The following TMEM117 variants were observed in gnomAD, a reference collection of about 807,000 sequenced individuals.
TMEM117 encodes transmembrane protein 117.
Under a neutral mutation model 52.4 loss-of-function variants are expected in TMEM117, and 27 were observed. That is an observed-to-expected ratio of 0.51 (90% CI 0.38 to 0.71). The LOEUF (loss-of-function observed/expected upper bound fraction) is 0.71. TMEM117 is among the 30% of genes least tolerant of loss of function. The pLI, the probability that TMEM117 is intolerant of heterozygous loss-of-function variation, is 0.00. For synonymous variants in TMEM117, 215 were observed against 206.3 expected, an observed-to-expected ratio of 1.04 and a Z score of -0.36; for missense variants, 556 against 630.5, an observed-to-expected ratio of 0.88 and a Z score of 1.26.
chr12:43,933,344 G>A (rs547495670), intron 2 of TMEM117, among the ~76,000 whole-genome samples: 1 of 151,996 alleles, frequency 6.6e-6, no homozygotes, highest in East Asian at 1.9e-4. Context: ...GGGACTACAG[G>A]CGCCAGCCAC....
rs143957411 is a variant in TMEM117 at position 43,988,657 on chromosome 12, A to G, written c.410+44315A>G. ...TGTCAGTAAGAGTTTTGTGGGTACA[A>G]TGTATATTATTTGGGTGATGGATAC... is the stretch of plus-strand genomic sequence containing the variant. On this transcript the variant is annotated intron_variant, in intron 3 of 7. Transcript: ENST00000266534. 3.8e-3 allele frequency among the ~76,000 whole-genome samples: 573 copies of G among 152,156 alleles called. 2 individuals carry two copies. Among genetic ancestry groups the G allele is most frequent in the African/African-American group, 0.013 (545 of 41,546 alleles).
intron 7 of TMEM117, among the ~76,000 whole-genome samples, chr12:44,381,468 T>G (rs1952019528): frequency 1.3e-5 from 2 of 152,130 alleles, no homozygotes; most frequent in African/African-American, 4.8e-5. Context: ...CCAATCCCGG[T>G]GGAAGCTCTG....
chr12:44,345,892 C>A (rs1436212421), intron 6 of TMEM117, among the ~76,000 whole-genome samples: 3 of 152,056 alleles, frequency 2.0e-5, no homozygotes, highest in Non-Finnish European at 2.9e-5. Context: ...ACAGTGTAAT[C>A]TCTTATCCTC....
At chr12:43,809,137 G>A in the TMEM117 span, among the ~76,000 whole-genome samples, 9 of 152,250 alleles carry the variant, frequency 5.9e-5, no homozygotes, top group South Asian at 6.2e-4. Context: ...ACTATGATGC[G>A]TGCCACATTA....
At position 44,169,408 on chromosome 12, in the gene TMEM117, T is replaced by A. The variant is rs533086000; in HGVS notation, c.510+25784T>A. On this transcript the variant is annotated intron_variant, in intron 4 of 7. Coordinates refer to ENST00000266534, the MANE Select transcript of TMEM117 (RefSeq NM_032256.3). The stretch of plus-strand genomic sequence containing the variant: ...TTATTCTGTCAGGTGTGAAGTCGTG[T>A]CTCTTCATGGTTTTGATTTGCATTT... Among the ~76,000 whole-genome samples the A allele has an allele frequency of 5.9e-5, 9 of 152,326 alleles. No individual in the cohort carries two copies. The East Asian group carries it at 1.7e-3, about 29-fold the overall frequency.
chr12:44,371,577 T>G (rs1377781204), intron 6 of TMEM117, among the ~76,000 whole-genome samples: 2 of 152,176 alleles, frequency 1.3e-5, no homozygotes, highest in Non-Finnish European at 2.9e-5. Context: ...ATCATTACAT[T>G]TTTATCCTCT....
At chr12:44,283,031 G>T (rs576834551) in intron 5 of TMEM117, among the ~76,000 whole-genome samples, 2 of 152,278 alleles carry the variant, frequency 1.3e-5, no homozygotes, top group Non-Finnish European at 2.9e-5. Flanking sequence ...CAGCTCCCAC[G>T]TGGTGTGGAG....
chr12:44,086,417 A>T (rs1429664445), intron 3 of TMEM117, among the ~76,000 whole-genome samples: 2 of 151,850 alleles, frequency 1.3e-5, no homozygotes, highest in African/African-American at 4.8e-5. Flanking sequence ...GGGTTTCACC[A>T]TGTTGGCCAG....
At chr12:44,069,019 T>C (rs1185202769) in intron 3 of TMEM117, among the ~76,000 whole-genome samples, 1 of 152,186 alleles carries the variant, frequency 6.6e-6, no homozygotes, top group East Asian at 1.9e-4. Context: ...CTCAAAGAGC[T>C]TAGAGTAAAT....
At chr12:44,202,476 G>C (rs1340828446) in intron 4 of TMEM117, among the ~76,000 whole-genome samples, 2 of 152,090 alleles carry the variant, frequency 1.3e-5, no homozygotes, top group Non-Finnish European at 2.9e-5. Flanking sequence ...AACCAAACTT[G>C]CATCCTAGGA....
chr12:44,108,497 T>C (rs1186541585), intron 3 of TMEM117, among the ~76,000 whole-genome samples: 2 of 91,278 alleles, frequency 2.2e-5, no homozygotes, highest in Non-Finnish European at 2.0e-5. Flanking sequence ...AGAATGATGG[T>C]TTCCAATTTC....
intron 5 of TMEM117, among the ~76,000 whole-genome samples, chr12:44,290,368 T>C (rs536298073): frequency 1.3e-5 from 2 of 152,324 alleles, no homozygotes; most frequent in African/African-American, 4.8e-5. Context: ...TACATTTAAG[T>C]CTTTAATCCA....
At chr12:44,052,211 G>C (rs1431377954) in intron 3 of TMEM117, among the ~76,000 whole-genome samples, 1 of 152,140 alleles carries the variant, frequency 6.6e-6, no homozygotes, top group African/African-American at 2.4e-5. Context: ...TTTAGCTTCA[G>C]TACTATTGGG....
At chr12:44,048,330 G>A (rs1044120456) in intron 3 of TMEM117, among the ~76,000 whole-genome samples, 1 of 151,686 alleles carries the variant, frequency 6.6e-6, no homozygotes, top group Non-Finnish European at 1.5e-5. Flanking sequence ...TCTAAGTTTT[G>A]TTTGTTTTCT....
chr12:44,209,021 G>C (rs1384816333), intron 4 of TMEM117, among the ~76,000 whole-genome samples: 3 of 151,902 alleles, frequency 2.0e-5, no homozygotes, highest in African/African-American at 7.2e-5. Context: ...TCTTTTAAAA[G>C]TCTAATGCAA....
rs535387227 is a variant in TMEM117 at position 44,357,045 on chromosome 12, A to G, written c.769-19550A>G. On this transcript the variant is annotated intron_variant, in intron 6 of 7. Coordinates refer to ENST00000266534, the MANE Select transcript of TMEM117 (RefSeq NM_032256.3). ...ATCCCTATCACCCAGATTCAGCCAT[A>G]TTGGACTTCTCACTGTCATTTGCAT... 3.3e-5 allele frequency among the ~76,000 whole-genome samples: 5 copies of G among 152,220 alleles called. No homozygotes were observed. The South Asian group carries it at 8.3e-4, about 25-fold the overall frequency.
intron 2 of TMEM117, among the ~76,000 whole-genome samples, chr12:43,889,360 G>T (rs1383525747): frequency 6.6e-6 from 1 of 152,224 alleles, no homozygotes; most frequent in Non-Finnish European, 1.5e-5. Context: ...TGGGATTATA[G>T]GTGTGAGCCA....
chr12:44,315,486 C>A (rs1951042468), intron 6 of TMEM117, among the ~76,000 whole-genome samples: 1 of 152,142 alleles, frequency 6.6e-6, no homozygotes, highest in East Asian at 1.9e-4. Context: ...TTTTTACTTT[C>A]TGCCTTAAAT....
chr12:44,106,308 A>G (rs371823542), intron 3 of TMEM117, among the ~76,000 whole-genome samples: 1 of 152,088 alleles, frequency 6.6e-6, no homozygotes, highest in African/African-American at 2.4e-5. Context: ...ATTTAAATAT[A>G]TGAAAGCAGG....
Sources: allele counts gnomAD v4.1 joint callset (sites outside exome capture counted in the v4.1 genomes callset), GRCh38; gene constraint gnomAD v4.1.1; transcripts MANE v1.5; gene names NCBI Gene and HGNC (gene_info 2026-07-23, HGNC 2026-07-21).